AP4E1: variants seen among roughly 807,000 people sequenced by gnomAD.
The protein encoded by AP4E1 is adaptor related protein complex 4 subunit epsilon 1.
In AP4E1, 56 loss-of-function variants were observed where a neutral mutation model predicts 128.2. The ratio of observed to expected loss-of-function variants is 0.44; its 90% CI spans 0.35 to 0.55. The LOEUF is 0.55. Ranked by LOEUF, AP4E1 falls within the 20% of genes least tolerant of loss-of-function variation. The pLI is 0.00. For missense variants in AP4E1, 1,324 were observed against 1,307.7 expected (o/e 1.01, Z -0.19); for synonymous variants, 484 against 473.1 (o/e 1.02, Z -0.30).
At chr15:50,928,315 G>A (rs1359633080) in intron 5 of AP4E1, among the ~76,000 whole-genome samples, 2 of 152,018 alleles carry the variant, frequency 1.3e-5, no homozygotes, top group Non-Finnish European at 2.9e-5. Context: ...TTGAGACTGA[G>A]TCTTACTCTG....
At chr15:50,933,427 G>A (rs939438420) in intron 7 of AP4E1, among the ~76,000 whole-genome samples, 14 of 152,168 alleles carry the variant, frequency 9.2e-5, no homozygotes, top group African/African-American at 2.2e-4. Context: ...CTTGTGTTTT[G>A]TAGTTTTGTG....
rs902660791 is a variant in AP4E1, at chr15:50,997,534, T to G, written c.2555T>G (p.Leu852Arg). 4.1e-5 allele frequency: 66 copies of G among 1,613,936 alleles called. No individual in the cohort carries two copies. The highest frequency in any genetic ancestry group is 5.3e-5 in the Non-Finnish European group (63 of 1,179,970). ...ELKKFSLTSE[L>R]LDSESLTELP... is the part of the protein sequence containing the mutation. Reference sequence around the variant, plus strand: ...AAGAAATTTTCTCTCACTTCAGAACTTTTGGATTCTGAGTCACTCACAGAA... The same window carrying G: ...AAGAAATTTTCTCTCACTTCAGAACGTTTGGATTCTGAGTCACTCACAGAA... The change falls in exon 18 of 21, where the codon CTT (leucine) becomes CGT (arginine). Residue 852 changes from leucine to arginine, a missense_variant. Physicochemically the swap from Leu to Arg is moderately radical, Grantham distance 102 (BLOSUM62 -2). Transcript: ENST00000261842.
chr15:50,958,732 C>T lies in AP4E1; in HGVS notation c.1789C>T (p.His597Tyr), dbSNP rs1419904215. ...ACATGCATTTGAATTAAAACATTTGCATGAGAATGTGGAACTTATGAAGAG... is the reference window on the plus strand; with the variant it reads ...ACATGCATTTGAATTAAAACATTTGTATGAGAATGTGGAACTTATGAAGAG... ...RQHAFELKHLHENVELMKSLL... is the reference protein window; with the variant it reads ...RQHAFELKHLYENVELMKSLL... Residue 597 changes from histidine to tyrosine, a missense_variant, in exon 14 of 21, where the codon CAT becomes TAT. Transcript: ENST00000261842. 1 of 1,614,122 alleles carries T rather than the reference C, an allele frequency of 6.2e-7. No homozygotes were observed. The highest frequency in any genetic ancestry group is 1.1e-5 in the South Asian group (1 of 91,090).
intron 10 of AP4E1, among the ~76,000 whole-genome samples, chr15:50,947,762 A>T (rs562581304): frequency 1.4e-4 from 21 of 152,336 alleles, no homozygotes; most frequent in Non-Finnish European, 2.9e-4. Flanking sequence ...GTGTTCTGTC[A>T]TGTAGAGATG....
intron 14 of AP4E1, among the ~76,000 whole-genome samples, chr15:50,959,862 CAGCTATATGCTGCCT>C (rs2064286032): frequency 6.6e-6 from 1 of 152,048 alleles, no homozygotes. Context: ...AAATAAGATC[CAGCTATATGCTGCCT>C]ATAAGAAACT....
intron 5 of AP4E1, among the ~76,000 whole-genome samples, chr15:50,926,376 T>C (rs893362132): frequency 3.9e-5 from 6 of 152,030 alleles, no homozygotes; most frequent in African/African-American, 1.4e-4. Context: ...GACCTTGTGA[T>C]TCACCTGCCT....
chr15:50,970,118 A>G (rs1308981500), intron 15 of AP4E1, among the ~76,000 whole-genome samples: 8 of 152,052 alleles, frequency 5.3e-5, no homozygotes, highest in Admixed American at 5.2e-4. Context: ...AGCGCCTAGT[A>G]TCCTCTATTC....
chr15:50,977,706 G>GTTTTTGTTTTT (rs2064571865), intron 15 of AP4E1, among the ~76,000 whole-genome samples: 1 of 80,296 alleles, frequency 1.2e-5, no homozygotes, highest in African/African-American at 4.7e-5. Flanking sequence ...ATCTGTTATG[G>GTTTTTGTTTTT]TTTTTTTTTT....
intron 14 of AP4E1, among the ~76,000 whole-genome samples, chr15:50,961,304 C>T (rs1596486450): frequency 6.6e-6 from 1 of 151,892 alleles, no homozygotes; most frequent in East Asian, 1.9e-4. Flanking sequence ...GACACAACAA[C>T]AATAACAAAC....
chr15:50,930,990 G>A lies in AP4E1; in HGVS notation c.869+19G>A. The A allele has an allele frequency of 6.2e-7, 1 of 1,613,908 alleles. No individual in the cohort carries two copies. The highest frequency in any genetic ancestry group is 8.5e-7 in the Non-Finnish European group (1 of 1,179,880). ...ATCAAAGGTAAACTATTTTCAGTAAGTTTGCTTAATGACCCCCATACCAGA... is the reference window on the plus strand; with the variant it reads ...ATCAAAGGTAAACTATTTTCAGTAAATTTGCTTAATGACCCCCATACCAGA... On this transcript the variant is annotated intron_variant, in intron 7 of 20. Transcript: ENST00000261842.
rs371073598 is a variant in AP4E1 at position 50,929,177 on chromosome 15, G to A, written c.702+9G>A. ...ATCTTAGAATGATTAAGGTAAGTTG[G>A]AAATTTTAGCAAGTACTGAGTAGTT... On this transcript the variant is annotated intron_variant, in intron 6 of 20. Transcript: ENST00000261842. 6.2e-7 allele frequency: 1 copy of A among 1,612,996 alleles called. No homozygotes were observed. The highest frequency in any genetic ancestry group is 1.3e-5 in the African/African-American group (1 of 74,870).
At chr15:50,920,109 C>CCTT (rs375835664) in intron 3 of AP4E1, among the ~76,000 whole-genome samples, 20,461 of 85,172 alleles carry the variant, frequency 0.24, 2,839 homozygotes, top group Non-Finnish European at 0.27. Flanking sequence ...AAAATTTATG[C>CCTT]CTTTTTTTTT....
At position 50,912,068 on chromosome 15, in the gene AP4E1, A is replaced by G. The variant is rs770712345; in HGVS notation, c.151-10A>G. ...GTTAATCAAGCATTTAAATATTTTC[A>G]CTTTCTCAGGAAGAAGAAAAATTAA... On this transcript the variant is annotated splice_polypyrimidine_tract_variant and intron_variant, in intron 1 of 20. Transcript: ENST00000261842. 1.3e-5 allele frequency: 21 copies of G among 1,610,822 alleles called. 1 individual carries two copies. The South Asian group carries it at 2.2e-4, about 17-fold the overall frequency.
At chr15:50,979,023 T>C (rs562627694) in intron 15 of AP4E1, among the ~76,000 whole-genome samples, 10 of 152,332 alleles carry the variant, frequency 6.6e-5, no homozygotes, top group African/African-American at 2.4e-4. Context: ...ACTGTTCCTT[T>C]CCATGTCTGT....
At position 50,908,788 on chromosome 15, in the gene AP4E1, A is replaced by C; in HGVS notation, c.10A>C (p.Ile4Leu). 1 of 1,588,808 alleles carries C rather than the reference A, an allele frequency of 6.3e-7. No individual in the cohort carries two copies. The highest frequency in any genetic ancestry group is 1.3e-5 in the African/African-American group (1 of 74,278). ...GCGGGCGGCGGCGGCGATGAGCGACATAGTGGAGAAGACGCTGACGGCGCT... is the reference window on the plus strand; with the variant it reads ...GCGGGCGGCGGCGGCGATGAGCGACCTAGTGGAGAAGACGCTGACGGCGCT... MSD[I>L]VEKTLTALPG... Residue 4 changes from isoleucine (I) to leucine (L), a missense_variant, in exon 1 of 21, where the codon ATA (isoleucine) becomes CTA (leucine). By Grantham distance (5) the Ile-to-Leu change is conservative (BLOSUM62 2). Transcript: ENST00000261842.
intron 16 of AP4E1, 124 bp from the exon 17 acceptor site, chr15:50,993,246 A>G: frequency 2.0e-6 from 2 of 988,046 alleles, no homozygotes; most frequent in South Asian, 3.0e-5. Context: ...TCTGGTATAT[A>G]GAATATAATG....
At chr15:50,981,458 G>C (rs1229926612) in intron 15 of AP4E1, among the ~76,000 whole-genome samples, 1 of 152,174 alleles carries the variant, frequency 6.6e-6, no homozygotes, top group Non-Finnish European at 1.5e-5. Context: ...CACATAACTT[G>C]TTAATTTCAC....
At chr15:50,908,981 C>T (rs1023011674) in intron 1 of AP4E1, 53 bp downstream of exon 1, 3 of 1,602,568 alleles carry the variant, frequency 1.9e-6, no homozygotes, top group Non-Finnish European at 2.5e-6. Context: ...GGCCCCCGCG[C>T]CAGGAGGCCC....
At chr15:50,925,355 A>T in intron 5 of AP4E1, 136 bp downstream of exon 5, 1 of 926,042 alleles carries the variant, frequency 1.1e-6, no homozygotes, top group Admixed American at 2.4e-5. Context: ...AAAATCTTCA[A>T]TAGGATCATC....
Sources: gnomAD v4.1 joint callset for allele counts (sites outside exome capture counted in the v4.1 genomes callset) on GRCh38, gnomAD v4.1.1 for gene constraint, MANE v1.5 for transcripts, NCBI Gene and HGNC (gene_info 2026-07-23, HGNC 2026-07-21) for gene names.